Variants in NAPA observed in about 807,000 individuals in gnomAD.
NAPA encodes NSF attachment protein alpha.
A neutral mutation model predicts 48.0 loss-of-function variants in NAPA; 18 were observed. That is an observed-to-expected ratio of 0.38 (90% CI 0.26 to 0.56). The LOEUF is 0.56. NAPA is among the 20% of genes least tolerant of loss of function. The pLI is 0.77. For synonymous variants in NAPA, 152 were observed against 149.9 expected (o/e 1.01, Z -0.10); for missense variants, 315 against 385.0 (o/e 0.82, Z 1.52).
chr19:47,509,370 A>C (rs1405702387), intron 1 of NAPA, among the ~76,000 whole-genome samples: 3 of 151,832 alleles, frequency 2.0e-5, no homozygotes, highest in Non-Finnish European at 4.4e-5. Context: ...AAATAAAATA[A>C]AATAAATGCT....
chr19:47,489,766 A>G lies in NAPA; in HGVS notation c.736-5T>C. On this transcript the variant is annotated splice_region_variant and splice_polypyrimidine_tract_variant and intron_variant, in intron 9 of 10. Coordinates refer to ENST00000263354, the MANE Select transcript of NAPA (RefSeq NM_003827.4). The stretch of plus-strand genomic sequence containing the variant: ...CTCGTGGGCCTCTAGCAATTTCTGC[A>G]AGCAAATGGCAGAGAGGGGTCAGGG... The G allele has an allele frequency of 6.2e-7, 1 of 1,614,002 alleles. No homozygotes were observed.
chr19:47,497,617 A>C (rs962324009), intron 3 of NAPA: 1 of 152,328 alleles, frequency 6.6e-6, no homozygotes, highest in Non-Finnish European at 1.5e-5. Context: ...GAGGGCTGGA[A>C]AGGGGCTCAG....
At chr19:47,514,193 G>A (rs1216076954) in intron 1 of NAPA, among the ~76,000 whole-genome samples, 1 of 151,728 alleles carries the variant, frequency 6.6e-6, no homozygotes, top group African/African-American at 2.4e-5. Context: ...TGCTAACCAG[G>A]GCCGTACTCA....
chr19:47,500,533 A>G (rs1968549097), intron 3 of NAPA, 100 bp downstream of exon 3: 11 of 950,634 alleles, frequency 1.2e-5, no homozygotes, highest in African/African-American at 1.7e-5. Flanking sequence ...CATGTCGGCC[A>G]CTGGAAAAAC....
intron 1 of NAPA, among the ~76,000 whole-genome samples, chr19:47,504,853 T>G (rs1315021386): frequency 6.6e-6 from 1 of 152,170 alleles, no homozygotes; most frequent in Non-Finnish European, 1.5e-5. Context: ...GTTACAAGGA[T>G]GTTCAGCATA....
intron 3 of NAPA, chr19:47,496,605 C>G (rs1054447311): frequency 3.4e-5 from 8 of 238,326 alleles, no homozygotes; most frequent in South Asian, 2.7e-4. Flanking sequence ...GCCTGGGCAT[C>G]TGAAAGTTCC....
Position 47,493,911 on chromosome 19 carries a change from G to A in NAPA, c.343-418C>T, listed in dbSNP as rs1406363666. 6.6e-6 allele frequency among the ~76,000 whole-genome samples: 1 copy of A among 152,214 alleles called. No homozygotes were observed. The highest frequency in any genetic ancestry group is 1.5e-5 in the Non-Finnish European group (1 of 68,024). On this transcript the variant is annotated intron_variant, in intron 4 of 10. Transcript: ENST00000263354. This position sits in a 1 kb window ranked among gnomAD's most constrained non-coding sequence, Gnocchi z 6.4. Reference sequence around the variant, plus strand: ...AAAGGGCTCTGGAGAAACCAGGATGGGAGGGAGGGCTTGAGACCTCTGCCC... The same window carrying A: ...AAAGGGCTCTGGAGAAACCAGGATGAGAGGGAGGGCTTGAGACCTCTGCCC...
rs1317925729 is a variant in NAPA at position 47,493,679 on chromosome 19, A to G, written c.343-186T>C. The G allele has an allele frequency of 3.2e-6, 2 of 616,712 alleles. No individual in the cohort carries two copies. Among genetic ancestry groups the G allele is most frequent in the Non-Finnish European group, 5.9e-6 (2 of 340,970 alleles). The allele number at this position is 616,712 out of a possible 1,614,324, so 38.2% of individuals were successfully genotyped here. ...AGTGAGAAGGGAGGGCCCCAGCACT[A>G]GAGGCCTGGCTATGCGTGCTGGGCT... On this transcript the variant is annotated intron_variant, in intron 4 of 10. Coordinates refer to ENST00000263354, the MANE Select transcript of NAPA (RefSeq NM_003827.4). This position sits in a 1 kb window ranked among gnomAD's most constrained non-coding sequence, Gnocchi z 6.4.
chr19:47,496,465 G>A (rs1177987511), intron 3 of NAPA: 1 of 152,726 alleles, frequency 6.5e-6, no homozygotes, highest in African/African-American at 2.4e-5. Context: ...GCTCTCAGGG[G>A]GTATTTTTTA....
chr19:47,490,874 GAGA>G lies in NAPA; in HGVS notation c.667-21_667-19del. On this transcript the variant is annotated intron_variant, in intron 8 of 10. Coordinates refer to ENST00000263354, the MANE Select transcript of NAPA (RefSeq NM_003827.4). ...ACAGCCAGCTGGGCAGCAGGGAAGG[GAGA>G]AGATGAGTTAGTAACAAGAGGGTCC... 2 of 1,611,450 alleles carry G rather than the reference GAGA, an allele frequency of 1.2e-6. No individual in the cohort carries two copies. Among genetic ancestry groups the G allele is most frequent in the Non-Finnish European group, 1.7e-6 (2 of 1,178,258 alleles).
intron 1 of NAPA, among the ~76,000 whole-genome samples, chr19:47,507,238 C>CT (rs1968710555): frequency 6.6e-6 from 1 of 152,220 alleles, no homozygotes; most frequent in Admixed American, 6.5e-5. Flanking sequence ...GCTTTGCTCT[C>CT]TCCCCCTCCA....
At position 47,488,151 on chromosome 19, in the gene NAPA, C is replaced by T. The variant is rs1307003838; in HGVS notation, c.*137G>A. ...GGCCTCTGGCGCCCCTGCATGCTGA[C>T]CCCCGGTGCCACCTGCCCACTGTGG... On this transcript the variant is annotated 3_prime_UTR_variant, in exon 11 of 11. Transcript: ENST00000263354. 2.7e-6 allele frequency: 2 copies of T among 735,860 alleles called. No homozygotes were observed. The highest frequency in any genetic ancestry group is 2.5e-5 in the Admixed American group (1 of 40,702). The allele number at this position is 735,860 out of a possible 1,614,324, so 45.6% of individuals were successfully genotyped here.
Position 47,506,902 on chromosome 19 carries a change from A to C in NAPA, c.99-3400T>G, listed in dbSNP as rs1199963617. 6.6e-6 allele frequency: 1 copy of C among 152,284 alleles called. No individual in the cohort carries two copies. Among genetic ancestry groups the C allele is most frequent in the Non-Finnish European group, 1.5e-5 (1 of 68,068 alleles). 9.4% of individuals were successfully genotyped at this position (152,284 alleles called of 1,614,324 possible). ...TTTTAGAAATGGGAGTGAAGTCCCC[A>C]AAGGGGGAAAGTGACGTGCCTAGGT... On this transcript the variant is annotated intron_variant, in intron 1 of 10. Transcript: ENST00000263354. The surrounding 1 kb of genome is among the most constrained non-coding windows in gnomAD (Gnocchi z 4.0).
chr19:47,513,709 C>T (rs1053558849), intron 1 of NAPA, among the ~76,000 whole-genome samples: 1 of 151,800 alleles, frequency 6.6e-6, no homozygotes, highest in Admixed American at 6.6e-5. Context: ...TTTGATCCCC[C>T]GTTTTGGTTC....
At chr19:47,499,315 G>A (rs2122753320) in intron 3 of NAPA, among the ~76,000 whole-genome samples, 1 of 152,360 alleles carries the variant, frequency 6.6e-6, no homozygotes, top group Admixed American at 6.5e-5. Context: ...CTCCAGATGG[G>A]GCAGCAGCTG....
intron 1 of NAPA, among the ~76,000 whole-genome samples, chr19:47,504,560 A>G (rs1968654147): frequency 6.6e-6 from 1 of 152,078 alleles, no homozygotes; most frequent in Admixed American, 6.5e-5. Context: ...TGGGAGGCAG[A>G]CTTATTCACT....
chr19:47,485,257 A>G (rs949166314), downstream of NAPA, among the ~76,000 whole-genome samples: 2 of 152,202 alleles, frequency 1.3e-5, no homozygotes, highest in East Asian at 1.9e-4. Context: ...CTGTCTCACT[A>G]ATCTTTGCAA....
intron 1 of NAPA, among the ~76,000 whole-genome samples, chr19:47,511,428 C>T (rs1968802946): frequency 6.6e-6 from 1 of 152,176 alleles, no homozygotes; most frequent in Non-Finnish European, 1.5e-5. Context: ...AGGTCAGCTC[C>T]TCTGGGAGCT....
chr19:47,506,630 G>A lies in NAPA; in HGVS notation c.99-3128C>T, dbSNP rs191967279. On this transcript the variant is annotated intron_variant, in intron 1 of 10. Transcript: ENST00000263354. The surrounding 1 kb of genome is among the most constrained non-coding windows in gnomAD (Gnocchi z 4.0). Reference sequence around the variant, plus strand: ...CAGCGGGCAATCAACAATGAGCAGAGTCAGCCCAGCCGGGTTTATTTCAGG... The same window carrying A: ...CAGCGGGCAATCAACAATGAGCAGAATCAGCCCAGCCGGGTTTATTTCAGG... Among the ~76,000 whole-genome samples the A allele has an allele frequency of 6.6e-6, 1 of 152,352 alleles. No individual in the cohort carries two copies. Among genetic ancestry groups the A allele is most frequent in the East Asian group, 1.9e-4 (1 of 5,182 alleles).
Sources: allele counts gnomAD v4.1 joint callset (sites outside exome capture counted in the v4.1 genomes callset), GRCh38; gene constraint gnomAD v4.1.1; non-coding constraint Gnocchi (gnomAD v3.1); transcripts MANE v1.5; gene names NCBI Gene and HGNC (gene_info 2026-07-23, HGNC 2026-07-21).